Variants in ARPP21 observed in about 807,000 individuals in gnomAD.
ARPP21 encodes the protein cAMP regulated phosphoprotein 21.
A neutral mutation model predicts 113.2 loss-of-function variants in ARPP21; 69 were observed. The observed-to-expected ratio is 0.61, with a 90% CI of 0.50 to 0.74. The LOEUF (loss-of-function observed/expected upper bound fraction) is 0.74, where lower values mean the gene tolerates loss of function less well. ARPP21 is among the 30% of genes least tolerant of loss of function. ARPP21 has a pLI of 0.00. For synonymous variants in ARPP21, 368 were observed against 375.5 expected (o/e 0.98, Z 0.23); for missense variants, 1,070 against 1,037.4 (o/e 1.03, Z -0.43).
chr3:35,780,210 C>T (rs1401550880), intron 19 of ARPP21, among the ~76,000 whole-genome samples: 1 of 152,162 alleles, frequency 6.6e-6, no homozygotes, highest in Non-Finnish European at 1.5e-5. Flanking sequence ...TCTTTATCAG[C>T]ATCATCAATG....
Position 35,790,957 on chromosome 3 carries a change from G to A in ARPP21, c.2138-1425G>A, listed in dbSNP as rs573831907. ...TTCCACTTGCCAATTGTAGGCATAGGGCAGACCTCTCAAATTGGCCTTTTC... is the reference window on the plus strand; with the variant it reads ...TTCCACTTGCCAATTGTAGGCATAGAGCAGACCTCTCAAATTGGCCTTTTC... On this transcript the variant is annotated intron_variant, in intron 19 of 20. Transcript: ENST00000684406. 2.6e-5 allele frequency among the ~76,000 whole-genome samples: 4 copies of A among 152,218 alleles called. No individual in the cohort carries two copies. The South Asian group carries it at 6.2e-4, about 24-fold the overall frequency.
chr3:35,680,081 C>T (rs1414693904), intron 2 of ARPP21, 121 bp downstream of exon 2: 1 of 152,268 alleles, frequency 6.6e-6, no homozygotes, highest in Non-Finnish European at 1.5e-5. Context: ...GTATCAGAGA[C>T]TCATTTGGCT....
chr3:35,655,553 T>G (rs1261989696), intron 1 of ARPP21, among the ~76,000 whole-genome samples: 3 of 152,058 alleles, frequency 2.0e-5, no homozygotes, highest in African/African-American at 7.2e-5. Flanking sequence ...CAGGGGTTTC[T>G]GTACACTTTA....
intron 9 of ARPP21, among the ~76,000 whole-genome samples, chr3:35,696,600 CTT>C (rs1241780538): frequency 6.6e-6 from 1 of 151,418 alleles, no homozygotes; most frequent in Non-Finnish European, 1.5e-5. Context: ...TGCTCTGACA[CTT>C]TTTTATTTTT....
At chr3:35,756,733 G>A (rs530049520) in intron 19 of ARPP21, among the ~76,000 whole-genome samples, 2 of 152,126 alleles carry the variant, frequency 1.3e-5, no homozygotes, top group African/African-American at 2.4e-5. Context: ...GTTGTAATAG[G>A]TCCAGCACAA....
At chr3:35,646,024 A>G (rs1251881462) in intron 1 of ARPP21, among the ~76,000 whole-genome samples, 2 of 151,812 alleles carry the variant, frequency 1.3e-5, no homozygotes, top group Non-Finnish European at 2.9e-5. Flanking sequence ...ATGCTTTGAC[A>G]CGTAAATCAG....
chr3:35,689,937 G>T (rs978362540), intron 7 of ARPP21, 144 bp from the exon 8 acceptor site: 5 of 559,000 alleles, frequency 8.9e-6, no homozygotes, highest in African/African-American at 5.7e-5. Context: ...ATATGTAAAT[G>T]GTCAGCATAT....
chr3:35,785,198 A>G (rs1388682316), intron 19 of ARPP21: 2 of 152,144 alleles, frequency 1.3e-5, no homozygotes, highest in East Asian at 3.9e-4. Flanking sequence ...TTTTAAGTAT[A>G]TCCATAATTA....
intron 9 of ARPP21, 69 bp from the exon 10 acceptor site, chr3:35,706,905 C>T: frequency 5.0e-6 from 6 of 1,190,194 alleles, no homozygotes; most frequent in African/African-American, 1.5e-5. Flanking sequence ...GGGGGAAGAA[C>T]AACACTAAAA....
chr3:35,653,088 A>G (rs928013754), intron 1 of ARPP21, among the ~76,000 whole-genome samples: 9 of 152,066 alleles, frequency 5.9e-5, no homozygotes, highest in Non-Finnish European at 1.0e-4. Flanking sequence ...TTGTGATTTC[A>G]AATAAATAAT....
At position 35,759,674 on chromosome 3, in the gene ARPP21, C is replaced by CTGTGTGTGTG. The variant is rs1346888304; in HGVS notation, c.2137+15710_2137+15711insGTGTGTGTGT. 4.4e-3 allele frequency among the ~76,000 whole-genome samples: 572 copies of CTGTGTGTGTG among 130,678 alleles called. 4 individuals carry two copies. Among genetic ancestry groups the CTGTGTGTGTG allele is most frequent in the African/African-American group, 0.015 (543 of 35,596 alleles). The allele number at this position is 130,678 out of a possible 152,430, so 85.7% of individuals were successfully genotyped here. A position where few individuals can be genotyped will look rare whatever the true frequency, so the allele number is the denominator to read the frequency against. On this transcript the variant is annotated intron_variant, in intron 19 of 20. Coordinates refer to ENST00000684406, the MANE Select transcript of ARPP21 (RefSeq NM_001385562.1). ...TCATTTTTTTCCTTTCATTTTCTCT[C>CTGTGTGTGTG]TCTGTGTGTGTGTGTGTGTGTGTGT...
In ARPP21 at chr3:35,793,894, T is replaced by A; in HGVS notation, c.2480T>A (p.Met827Lys). 6.2e-7 allele frequency: 1 copy of A among 1,614,120 alleles called. No homozygotes were observed. Among genetic ancestry groups the A allele is most frequent in the South Asian group, 1.1e-5 (1 of 91,084 alleles). ...TGCCCCTCCAGCACTGTCCCAGTGA[T>A]GTCAGCTAGCTGCAGAACAAACTGT... Reference protein sequence around the residue: ...PHCPSSTVPVMSASCRTNCAS... With the variant: ...PHCPSSTVPVKSASCRTNCAS... Residue 827 changes from methionine to lysine, a missense_variant, in exon 21 of 21, where the codon ATG becomes AAG. Met to Lys is a moderately conservative substitution (Grantham distance 95). Coordinates refer to ENST00000684406, the MANE Select transcript of ARPP21 (RefSeq NM_001385562.1).
intron 18 of ARPP21, among the ~76,000 whole-genome samples, chr3:35,742,199 C>G (rs2094708301): frequency 6.6e-6 from 1 of 152,166 alleles, no homozygotes; most frequent in Non-Finnish European, 1.5e-5. Flanking sequence ...CATGAGCTTA[C>G]ATTTAAGCAA....
intron 9 of ARPP21, among the ~76,000 whole-genome samples, chr3:35,693,850 G>A (rs1014350976): frequency 3.3e-5 from 5 of 151,444 alleles, no homozygotes; most frequent in Non-Finnish European, 5.9e-5. Flanking sequence ...TTGTGTTTGG[G>A]GAATACCTTT....
chr3:35,695,137 T>A (rs2083469630), intron 9 of ARPP21, among the ~76,000 whole-genome samples: 2 of 151,442 alleles, frequency 1.3e-5, no homozygotes, highest in South Asian at 4.1e-4. Flanking sequence ...AATCTGATTG[T>A]TCAACTCCAT....
At chr3:35,668,025 A>G (rs554223153) in intron 1 of ARPP21, among the ~76,000 whole-genome samples, 9 of 147,630 alleles carry the variant, frequency 6.1e-5, no homozygotes, top group East Asian at 4.0e-4. Context: ...AAGAAGAAGA[A>G]GAAGAAGGAG....
chr3:35,707,441 C>T, intron 10 of ARPP21: 1 of 481,360 alleles, frequency 2.1e-6, no homozygotes, highest in Non-Finnish European at 4.1e-6. Context: ...AGTCGTTCCA[C>T]TCCCTACAGC....
intron 13 of ARPP21, among the ~76,000 whole-genome samples, chr3:35,719,462 G>T (rs1012821562): frequency 6.6e-6 from 1 of 152,160 alleles, no homozygotes; most frequent in Non-Finnish European, 1.5e-5. Context: ...AGCAGGTGAT[G>T]TGACATAAGT....
chr3:35,753,738 G>T (rs953819419), intron 19 of ARPP21, among the ~76,000 whole-genome samples: 8 of 151,908 alleles, frequency 5.3e-5, no homozygotes, highest in Non-Finnish European at 1.0e-4. Context: ...CCTTCTTTTA[G>T]AAGTAATGTT....
Sources: allele counts gnomAD v4.1 joint callset (sites outside exome capture counted in the v4.1 genomes callset), GRCh38; gene constraint gnomAD v4.1.1; transcripts MANE v1.5; gene names NCBI Gene and HGNC (gene_info 2026-07-23, HGNC 2026-07-21).